The following PIBF1 variants were observed in gnomAD, a reference collection of about 807,000 sequenced individuals.
PIBF1 encodes the protein progesterone immunomodulatory binding factor 1.
PIBF1 carries 90 observed loss-of-function variants against 112.5 expected under a neutral mutation model. The ratio of observed to expected loss-of-function variants is 0.80; its 90% CI spans 0.67 to 0.95. PIBF1 has a LOEUF of 0.95. Ranked by LOEUF, PIBF1 falls within the 40% of genes least tolerant of loss-of-function variation. The pLI is 0.00. For synonymous variants in PIBF1, 301 were observed against 288.6 expected, an observed-to-expected ratio of 1.04 and a Z score of -0.44; for missense variants, 915 against 852.3, an observed-to-expected ratio of 1.07 and a Z score of -0.92.
chr13:72,965,080 A>T (rs941086028), intron 14 of PIBF1, among the ~76,000 whole-genome samples, 194 bp from the exon 15 acceptor site: 1 of 152,080 alleles, frequency 6.6e-6, no homozygotes, highest in African/African-American at 2.4e-5. Context: ...AAACAAAAAA[A>T]ATTATTGTTT....
At chr13:72,861,781 G>A (rs975713138) in intron 10 of PIBF1, among the ~76,000 whole-genome samples, 1 of 152,066 alleles carries the variant, frequency 6.6e-6, no homozygotes, top group African/African-American at 2.4e-5. Flanking sequence ...GGCCAGGCTG[G>A]CCTCAAACTC....
intron 2 of PIBF1, among the ~76,000 whole-genome samples, chr13:72,790,638 G>A (rs1019530505): frequency 6.6e-6 from 1 of 152,122 alleles, no homozygotes; most frequent in Non-Finnish European, 1.5e-5. Flanking sequence ...GGGCTATAAA[G>A]TAAGTCAAAG....
At chr13:72,944,383 G>A (rs957438469) in intron 14 of PIBF1, among the ~76,000 whole-genome samples, 3 of 150,834 alleles carry the variant, frequency 2.0e-5, no homozygotes, top group Non-Finnish European at 2.9e-5. Flanking sequence ...GGAGGCAGAG[G>A]TTGTAGTGAG....
At position 72,835,370 on chromosome 13, in the gene PIBF1, TAA is replaced by T. The variant is rs200683940; in HGVS notation, c.1223+14_1223+15del. ...GGAAATGTATGAACGAGAAAACAGG[TAA>T]AAAAAAAAAAATGCTTGTATGGTAT... On this transcript the variant is annotated splice_donor_region_variant and intron_variant, in intron 9 of 17. Transcript: ENST00000326291. 919 of 1,337,198 alleles carry T rather than the reference TAA, an allele frequency of 6.9e-4. No homozygotes were observed. Among genetic ancestry groups the T allele is most frequent in the South Asian group, 1.6e-3 (113 of 68,732 alleles). 82.8% of individuals were successfully genotyped at this position (1,337,198 alleles called of 1,614,324 possible).
intron 16 of PIBF1, among the ~76,000 whole-genome samples, chr13:72,979,387 A>G (rs1010647457): frequency 6.6e-6 from 1 of 152,194 alleles, no homozygotes; most frequent in African/African-American, 2.4e-5. Flanking sequence ...TGTCCTTAGA[A>G]TATAAGCTTT....
intron 10 of PIBF1, among the ~76,000 whole-genome samples, chr13:72,889,725 T>G (rs2039986304): frequency 6.6e-6 from 1 of 152,180 alleles, no homozygotes; most frequent in African/African-American, 2.4e-5. Flanking sequence ...CCTCAGCTGC[T>G]GCACTATCTT....
Position 72,819,222 on chromosome 13 carries a change from T to C in PIBF1, c.673-2627T>C, listed in dbSNP as rs926798037. Among the ~76,000 whole-genome samples the C allele has an allele frequency of 2.0e-5, 3 of 152,146 alleles. No homozygotes were observed. The South Asian group carries it at 6.2e-4, about 32-fold the overall frequency. On this transcript the variant is annotated intron_variant, in intron 5 of 17. Coordinates refer to ENST00000326291, the MANE Select transcript of PIBF1 (RefSeq NM_006346.4). ...TGGCCTGTAGCAAATTGATAAGAGC[T>C]ATCTAAATTATTCAAGTTGTTAATA... is the stretch of plus-strand genomic sequence containing the variant.
chr13:72,969,588 T>G (rs1283458409), intron 15 of PIBF1: 2 of 152,214 alleles, frequency 1.3e-5, no homozygotes, highest in Non-Finnish European at 2.9e-5. Flanking sequence ...GATGTAACAA[T>G]GCCATTAAAA....
intron 15 of PIBF1, among the ~76,000 whole-genome samples, chr13:72,972,095 A>G (rs2042910235): frequency 6.6e-6 from 1 of 151,296 alleles, no homozygotes; most frequent in South Asian, 2.1e-4. Context: ...AATACAGTGG[A>G]GCATCATAGC....
chr13:72,967,330 G>A (rs976272260), intron 15 of PIBF1, among the ~76,000 whole-genome samples: 30 of 152,140 alleles, frequency 2.0e-4, no homozygotes, highest in Non-Finnish European at 4.4e-5. Flanking sequence ...TCCTTTCACA[G>A]TTATCTCCAA....
At chr13:72,814,537 T>TA (rs1337408533) in intron 5 of PIBF1, among the ~76,000 whole-genome samples, 42 of 151,582 alleles carry the variant, frequency 2.8e-4, no homozygotes, top group Non-Finnish European at 2.2e-4. Flanking sequence ...TTCTATTTTT[T>TA]ATCATAATTT....
At chr13:72,931,675 C>T (rs1033345059) in intron 14 of PIBF1, among the ~76,000 whole-genome samples, 11 of 143,614 alleles carry the variant, frequency 7.7e-5, no homozygotes, top group Admixed American at 1.5e-4. Context: ...GAAAATCAGG[C>T]TCATATTGCT....
Position 72,791,785 on chromosome 13 carries a change from A to G in PIBF1, c.253-662A>G, listed in dbSNP as rs369571137. On this transcript the variant is annotated intron_variant, in intron 2 of 17. Transcript: ENST00000326291. Reference sequence around the variant, plus strand: ...GTAGCTGTGACTACAGGCGCCCGCCACCATGCCTGGCTAATTTTTGTATTT... The same window carrying G: ...GTAGCTGTGACTACAGGCGCCCGCCGCCATGCCTGGCTAATTTTTGTATTT... 7.2e-5 allele frequency among the ~76,000 whole-genome samples: 11 copies of G among 151,916 alleles called. No homozygotes were observed. In the East Asian group the frequency reaches 1.2e-3, roughly 16 times the overall value.
At chr13:72,788,479 A>C (rs1160847902) in intron 2 of PIBF1, among the ~76,000 whole-genome samples, 1 of 152,226 alleles carries the variant, frequency 6.6e-6, no homozygotes, top group Non-Finnish European at 1.5e-5. Context: ...TCGCATTAGG[A>C]ACCCAGGCTC....
chr13:72,901,647 T>C (rs1386007835), intron 11 of PIBF1, among the ~76,000 whole-genome samples: 2 of 151,234 alleles, frequency 1.3e-5, no homozygotes, highest in Non-Finnish European at 2.9e-5. Flanking sequence ...ATCATGCCAC[T>C]ACACTCCAGC....
intron 1 of PIBF1, among the ~76,000 whole-genome samples, chr13:72,782,827 C>T (rs1876921072): frequency 6.6e-6 from 1 of 151,644 alleles, no homozygotes; most frequent in African/African-American, 2.4e-5. Flanking sequence ...AGAATAAAAT[C>T]CAACCCTATT....
At position 72,932,182 on chromosome 13, in the gene PIBF1, G is replaced by A. The variant is rs143090304; in HGVS notation, c.1833+915G>A. On this transcript the variant is annotated intron_variant, in intron 14 of 17. Coordinates refer to ENST00000326291, the MANE Select transcript of PIBF1 (RefSeq NM_006346.4). ...TAGTCTAGAACTTCTGGGCTCAAGC[G>A]ATCCACCTGCCTAGGGCCTCTGAAA... 8.0e-3 allele frequency among the ~76,000 whole-genome samples: 1,220 copies of A among 151,944 alleles called. 14 individuals carry two copies. The highest frequency in any genetic ancestry group is 0.028 in the African/African-American group (1,147 of 41,488).
chr13:72,902,242 G>C (rs531055661), intron 11 of PIBF1, among the ~76,000 whole-genome samples: 3 of 152,160 alleles, frequency 2.0e-5, no homozygotes, highest in Admixed American at 2.0e-4. Context: ...GGGGAAGAGT[G>C]GAACAGGGAA....
chr13:72,957,653 A>G (rs577523209), intron 14 of PIBF1, among the ~76,000 whole-genome samples: 2 of 152,208 alleles, frequency 1.3e-5, no homozygotes, highest in African/African-American at 4.8e-5. Context: ...GTTCTCCAAA[A>G]ACTCTTGAAA....
Sources: allele counts gnomAD v4.1 joint callset (sites outside exome capture counted in the v4.1 genomes callset), GRCh38; gene constraint gnomAD v4.1.1; transcripts MANE v1.5; gene names NCBI Gene and HGNC (gene_info 2026-07-23, HGNC 2026-07-21).